NUMB: variants seen among roughly 807,000 people sequenced by gnomAD.
NUMB encodes protein numb homolog.
A neutral mutation model predicts 59.7 loss-of-function variants in NUMB; 29 were observed. The observed-to-expected ratio is 0.49, with a 90% confidence interval of 0.36 to 0.66. The LOEUF is 0.66. Among genes scored for constraint, NUMB ranks in the 30% least tolerant of loss-of-function variants. The probability of loss-of-function intolerance (pLI) is 0.00; values close to 1 mark genes in which losing one functional copy is unlikely to be tolerated. For synonymous variants in NUMB, 288 were observed against 288.2 expected (o/e 1.00, Z 0.01); for missense variants, 723 against 822.0 (o/e 0.88, Z 1.47).
intron 4 of NUMB, among the ~76,000 whole-genome samples, chr14:73,349,694 A>T (rs1893109011): frequency 1.3e-5 from 2 of 152,084 alleles, no homozygotes; most frequent in Non-Finnish European, 1.5e-5. Context: ...CCTGGCTAAC[A>T]CGGTGAAACC....
intron 2 of NUMB, among the ~76,000 whole-genome samples, chr14:73,380,869 T>G (rs1303267809): frequency 2.6e-5 from 4 of 151,900 alleles, no homozygotes; most frequent in South Asian, 4.2e-4. Flanking sequence ...GGATTACAGG[T>G]GCGTGCTACC....
At chr14:73,386,286 A>T (rs1264336650) in intron 2 of NUMB, among the ~76,000 whole-genome samples, 1 of 152,172 alleles carries the variant, frequency 6.6e-6, no homozygotes, top group African/African-American at 2.4e-5. Flanking sequence ...AAACCTTCAA[A>T]TTGCAACAGA....
At chr14:73,348,492 C>T in intron 4 of NUMB, among the ~76,000 whole-genome samples, 1 of 152,230 alleles carries the variant, frequency 6.6e-6, no homozygotes, top group Admixed American at 6.5e-5. Context: ...GGCGAGCAAG[C>T]ATTACTGCCT....
intron 4 of NUMB, among the ~76,000 whole-genome samples, chr14:73,353,660 C>T (rs763294038): frequency 2.4e-5 from 3 of 126,070 alleles, no homozygotes; most frequent in East Asian, 4.6e-4. Context: ...TGCAGTGAGC[C>T]GAGATCTCGT....
intron 1 of NUMB, among the ~76,000 whole-genome samples, chr14:73,414,874 C>A (rs1468372079): frequency 6.6e-6 from 1 of 152,122 alleles, no homozygotes; most frequent in Non-Finnish European, 1.5e-5. Flanking sequence ...CGCCCACCAC[C>A]ACGCCCAGCT....
At chr14:73,439,820 A>T (rs59923225) in intron 1 of NUMB, among the ~76,000 whole-genome samples, 1 of 151,976 alleles carries the variant, frequency 6.6e-6, no homozygotes, top group Non-Finnish European at 1.5e-5. Flanking sequence ...TTTAAGTCAC[A>T]TGTTTAAGGA....
intron 1 of NUMB, among the ~76,000 whole-genome samples, chr14:73,439,290 G>A (rs111954340): frequency 1.8e-4 from 28 of 152,144 alleles, no homozygotes; most frequent in African/African-American, 6.3e-4. Flanking sequence ...CATAAAACTC[G>A]AACACTCTGT....
At chr14:73,370,662 G>T (rs11623977) in intron 2 of NUMB, among the ~76,000 whole-genome samples, 1 of 151,534 alleles carries the variant, frequency 6.6e-6, no homozygotes, top group Non-Finnish European at 1.5e-5. Context: ...ACTGCACTCC[G>T]GCCTGGGTAA....
At chr14:73,286,246 C>G (rs897302481) in intron 9 of NUMB, 4 of 117,994 alleles carry the variant, frequency 3.4e-5, no homozygotes, top group African/African-American at 1.3e-4. Context: ...CTATGTTGCA[C>G]AGTCTGGTCA....
At chr14:73,293,860 G>A (rs1889576697) in intron 7 of NUMB, among the ~76,000 whole-genome samples, 1 of 152,200 alleles carries the variant, frequency 6.6e-6, no homozygotes, top group Non-Finnish European at 1.5e-5. Flanking sequence ...TGTACTAGTT[G>A]TGGTGATGCT....
At chr14:73,424,266 T>C (rs990790422) in intron 1 of NUMB, among the ~76,000 whole-genome samples, 7 of 152,202 alleles carry the variant, frequency 4.6e-5, no homozygotes, top group African/African-American at 7.2e-5. Context: ...TGACAAGCAG[T>C]GTTTAATTTC....
chr14:73,290,578 T>C (rs1368619003), intron 8 of NUMB, among the ~76,000 whole-genome samples: 1 of 152,254 alleles, frequency 6.6e-6, no homozygotes, highest in Non-Finnish European at 1.5e-5. Flanking sequence ...TTTTAGACCA[T>C]GGCCACTACT....
intron 2 of NUMB, among the ~76,000 whole-genome samples, chr14:73,406,760 T>TAG (rs1896690744): frequency 6.6e-6 from 1 of 152,100 alleles, no homozygotes; most frequent in Admixed American, 6.6e-5. Flanking sequence ...CACCTGTTGT[T>TAG]TCCTGACTTT....
At chr14:73,436,862 C>G (rs1045783758) in intron 1 of NUMB, among the ~76,000 whole-genome samples, 4 of 151,124 alleles carry the variant, frequency 2.6e-5, no homozygotes, top group Admixed American at 2.6e-4. Flanking sequence ...GCCTGTAATC[C>G]CAGCTACTCG....
At chr14:73,365,870 G>T (rs987281872) in intron 3 of NUMB, among the ~76,000 whole-genome samples, 1 of 152,174 alleles carries the variant, frequency 6.6e-6, no homozygotes, top group Non-Finnish European at 1.5e-5. Flanking sequence ...AAGAATACAT[G>T]ATCAGTTCAT....
intron 1 of NUMB, among the ~76,000 whole-genome samples, chr14:73,417,051 G>A (rs995948015): frequency 2.0e-5 from 3 of 151,890 alleles, no homozygotes; most frequent in Non-Finnish European, 4.4e-5. Flanking sequence ...GGGATGGCTG[G>A]AGAGGAGATC....
chr14:73,416,317 CTTACT>C (rs1445597112), intron 1 of NUMB, among the ~76,000 whole-genome samples: 1 of 145,482 alleles, frequency 6.9e-6, no homozygotes, highest in African/African-American at 2.5e-5. Flanking sequence ...AGTAAATACT[CTTACT>C]TTTTCTTTTC....
At chr14:73,382,694 G>A (rs1443798887) in intron 2 of NUMB, among the ~76,000 whole-genome samples, 1 of 152,122 alleles carries the variant, frequency 6.6e-6, no homozygotes, top group African/African-American at 2.4e-5. Context: ...CATCAGAGAG[G>A]AGAAAAACAA....
chr14:73,339,056 CCCA>C (rs1892497467), intron 4 of NUMB, among the ~76,000 whole-genome samples: 1 of 152,144 alleles, frequency 6.6e-6, no homozygotes. Context: ...AGGTATCTTA[CCCA>C]CTGCAATTCT....
Sources: gnomAD v4.1 joint callset for allele counts (sites outside exome capture counted in the v4.1 genomes callset) on GRCh38, gnomAD v4.1.1 for gene constraint, MANE v1.5 for transcripts, NCBI Gene and HGNC (gene_info 2026-07-23, HGNC 2026-07-21) for gene names.